SPOCK1: variants seen among roughly 807,000 people sequenced by gnomAD.
SPOCK1 encodes SPARC (osteonectin), cwcv and kazal like domains proteoglycan 1.
A neutral mutation model predicts 55.3 loss-of-function variants in SPOCK1; 23 were observed. The ratio of observed to expected loss-of-function variants is 0.42; its 90% CI spans 0.30 to 0.59. SPOCK1 has a LOEUF of 0.59. Ranked by LOEUF, SPOCK1 falls within the 20% of genes least tolerant of loss-of-function variation. The pLI, the probability that SPOCK1 is intolerant of heterozygous loss-of-function variation, is 0.22. For missense variants in SPOCK1, 499 were observed against 552.5 expected (o/e 0.90, Z 0.97); for synonymous variants, 226 against 221.0 (o/e 1.02, Z -0.20).
chr5:137,395,911 A>C (rs1204741568), intron 2 of SPOCK1, among the ~76,000 whole-genome samples: 1 of 152,200 alleles, frequency 6.6e-6, no homozygotes, highest in Non-Finnish European at 1.5e-5. Flanking sequence ...CCTCCCAGAA[A>C]GATCCCAATC....
rs143780047 is a variant in SPOCK1, at chr5:137,414,955, T to C, written c.186+83418A>G. Among the ~76,000 whole-genome samples the C allele has an allele frequency of 1.3e-3, 186 of 143,014 alleles. 2 individuals are homozygous for C. The highest frequency in any genetic ancestry group is 4.6e-3 in the African/African-American group (181 of 39,034). 93.8% of individuals were successfully genotyped at this position (143,014 alleles called of 152,430 possible). A position where few individuals can be genotyped will look rare whatever the true frequency, so the allele number is the denominator to read the frequency against. On this transcript the variant is annotated intron_variant, in intron 2 of 10. Coordinates refer to ENST00000394945, the MANE Select transcript of SPOCK1 (RefSeq NM_004598.4). Reference sequence around the variant, plus strand: ...ATCAAAGCTTTTTCCATCAAAGACCTCCCTGAATCTGAATTTGGCCTGAAT... The same window carrying C: ...ATCAAAGCTTTTTCCATCAAAGACCCCCCTGAATCTGAATTTGGCCTGAAT...
chr5:137,092,698 T>C lies in SPOCK1; in HGVS notation c.474+19737A>G, dbSNP rs539917802. Among the ~76,000 whole-genome samples the C allele has an allele frequency of 5.3e-5, 8 of 152,290 alleles. No homozygotes were observed. In the East Asian group the frequency reaches 1.4e-3, roughly 26 times the overall value. On this transcript the variant is annotated intron_variant, in intron 5 of 10. Coordinates refer to ENST00000394945, the MANE Select transcript of SPOCK1 (RefSeq NM_004598.4). ...AAGCACCCAGTCCTTTCCTGATGAA[T>C]AGGAGAAAAGATCAATCGATGAATG...
chr5:137,266,975 AC>A lies in SPOCK1; in HGVS notation c.232+34del. ...AAGGAAAAATGAGACCACATTTACCACAGACTATACAGCAAGAAATATTGCA... is the reference window on the plus strand; with the variant it reads ...AAGGAAAAATGAGACCACATTTACCAAGACTATACAGCAAGAAATATTGCA... On this transcript the variant is annotated intron_variant, in intron 3 of 10. Coordinates refer to ENST00000394945, the MANE Select transcript of SPOCK1 (RefSeq NM_004598.4). 2.5e-6 allele frequency: 4 copies of A among 1,591,336 alleles called. 1 individual carries two copies. The highest frequency in any genetic ancestry group is 3.4e-6 in the Non-Finnish European group (4 of 1,161,740).
intron 2 of SPOCK1, among the ~76,000 whole-genome samples, chr5:137,335,049 C>T (rs1051323006): frequency 1.3e-5 from 2 of 152,122 alleles, no homozygotes; most frequent in South Asian, 2.1e-4. Context: ...CAGCAGTTGC[C>T]TGGGGTTAGG....
intron 2 of SPOCK1, among the ~76,000 whole-genome samples, chr5:137,373,657 G>T (rs1229701): frequency 4.6e-5 from 7 of 152,018 alleles, no homozygotes; most frequent in Non-Finnish European, 8.8e-5. Flanking sequence ...ATGTGTACTC[G>T]GCAGCATGCT....
At chr5:137,386,170 A>T (rs1751596071) in intron 2 of SPOCK1, among the ~76,000 whole-genome samples, 1 of 152,234 alleles carries the variant, frequency 6.6e-6, no homozygotes, top group Non-Finnish European at 1.5e-5. Context: ...TATAAATCTT[A>T]AAAAAGTACA....
intron 2 of SPOCK1, among the ~76,000 whole-genome samples, chr5:137,375,815 C>G (rs1006503937): frequency 3.9e-5 from 6 of 152,196 alleles, no homozygotes; most frequent in Non-Finnish European, 8.8e-5. Context: ...TGCTCCAAGT[C>G]TGCACAGGCT....
chr5:137,433,900 A>G (rs960978518), intron 2 of SPOCK1, among the ~76,000 whole-genome samples: 1 of 152,262 alleles, frequency 6.6e-6, no homozygotes, highest in African/African-American at 2.4e-5. Flanking sequence ...ATCAAAAAAA[A>G]GTATTCAATT....
intron 6 of SPOCK1, among the ~76,000 whole-genome samples, chr5:137,008,587 A>T (rs1447564616): frequency 1.3e-5 from 2 of 152,176 alleles, no homozygotes. Flanking sequence ...GAAATACTAG[A>T]GAATTGTAGA....
chr5:137,252,925 T>C (rs1052555914), intron 3 of SPOCK1, among the ~76,000 whole-genome samples: 3 of 152,086 alleles, frequency 2.0e-5, no homozygotes, highest in Non-Finnish European at 2.9e-5. Flanking sequence ...TAGGAACTTG[T>C]AGGGATCTAA....
chr5:137,136,229 T>C (rs939720654), intron 4 of SPOCK1, among the ~76,000 whole-genome samples: 5 of 152,188 alleles, frequency 3.3e-5, no homozygotes, highest in Non-Finnish European at 2.9e-5. Flanking sequence ...TAAAAAAGCC[T>C]AAGCTCTTAT....
At chr5:137,375,725 G>C (rs983710222) in intron 2 of SPOCK1, among the ~76,000 whole-genome samples, 5 of 152,082 alleles carry the variant, frequency 3.3e-5, no homozygotes, top group African/African-American at 1.2e-4. Context: ...CTAAAAATAA[G>C]AATTTTTTTA....
chr5:137,015,515 A>G (rs1169197281), intron 6 of SPOCK1, among the ~76,000 whole-genome samples: 4 of 152,124 alleles, frequency 2.6e-5, no homozygotes, highest in Non-Finnish European at 5.9e-5. Context: ...TCACACTCAC[A>G]TTCAGGGCAC....
chr5:137,278,958 C>G (rs1390157859), intron 2 of SPOCK1, among the ~76,000 whole-genome samples: 2 of 152,148 alleles, frequency 1.3e-5, no homozygotes, highest in Non-Finnish European at 2.9e-5. Flanking sequence ...TGTCCTACTT[C>G]CCCCCAGGGG....
intron 3 of SPOCK1, among the ~76,000 whole-genome samples, chr5:137,200,956 T>C (rs1319485949): frequency 2.0e-5 from 3 of 152,222 alleles, no homozygotes; most frequent in Admixed American, 2.0e-4. Context: ...GAATAGACCC[T>C]GATGTACTTA....
At chr5:136,987,803 G>A (rs1185157515) in intron 8 of SPOCK1, among the ~76,000 whole-genome samples, 1 of 152,166 alleles carries the variant, frequency 6.6e-6, no homozygotes, top group Non-Finnish European at 1.5e-5. Context: ...GCACCCCCCA[G>A]ACAGAGGGAG....
Position 137,411,313 on chromosome 5 carries a change from G to A in SPOCK1, c.186+87060C>T, listed in dbSNP as rs769131094. On this transcript the variant is annotated intron_variant, in intron 2 of 10. Coordinates refer to ENST00000394945, the MANE Select transcript of SPOCK1 (RefSeq NM_004598.4). ...TATCCACAGAATGAGGACGGGTAGA[G>A]AGATGAGCAGTTACAAGCAGGAGGC... Among the ~76,000 whole-genome samples the A allele has an allele frequency of 4.5e-4, 68 of 152,266 alleles. 1 individual carries two copies. Among genetic ancestry groups the A allele is most frequent in the Admixed American group, 7.2e-4 (11 of 15,294 alleles).
intron 6 of SPOCK1, among the ~76,000 whole-genome samples, chr5:137,027,631 G>A (rs11750691): frequency 0.031 from 4,682 of 152,242 alleles, 104 homozygotes; most frequent in Non-Finnish European, 0.042. Flanking sequence ...GTAGCTAGTA[G>A]CAGATACAGA....
intron 2 of SPOCK1, among the ~76,000 whole-genome samples, chr5:137,363,997 C>T (rs1751004001): frequency 6.6e-6 from 1 of 152,208 alleles, no homozygotes; most frequent in East Asian, 1.9e-4. Context: ...CCCATCTCTA[C>T]ATAAACAGCC....
Sources: gnomAD v4.1 joint callset for allele counts (sites outside exome capture counted in the v4.1 genomes callset) on GRCh38, gnomAD v4.1.1 for gene constraint, MANE v1.5 for transcripts, NCBI Gene and HGNC (gene_info 2026-07-23, HGNC 2026-07-21) for gene names.